Variants in FILIP1 observed in about 807,000 individuals in gnomAD.
FILIP1 encodes filamin-A-interacting protein 1.
FILIP1 carries 61 observed loss-of-function variants against 102.1 expected under a neutral mutation model. That is an observed-to-expected ratio of 0.60 (90% confidence interval 0.49 to 0.74). FILIP1 has a LOEUF of 0.74. Among genes scored for constraint, FILIP1 ranks in the 30% least tolerant of loss-of-function variants. The pLI is 0.00. For missense variants in FILIP1, 1,314 were observed against 1,441.2 expected, an observed-to-expected ratio of 0.91 and a Z score of 1.43; for synonymous variants, 491 against 526.9, an observed-to-expected ratio of 0.93 and a Z score of 0.93.
chr6:75,394,497 AAAT>A (rs776047797), intron 2 of FILIP1, among the ~76,000 whole-genome samples: 5 of 152,202 alleles, frequency 3.3e-5, no homozygotes, highest in Non-Finnish European at 5.9e-5. Context: ...GTCAAAATAA[AAAT>A]AATGAGATAG....
rs1778839339 is a variant in FILIP1, at chr6:75,456,670, C to G, written c.-7+36744G>C. Among the ~76,000 whole-genome samples the G allele has an allele frequency of 2.0e-5, 3 of 151,896 alleles. No individual in the cohort carries two copies. The South Asian group carries it at 6.2e-4, about 32-fold the overall frequency. On this transcript the variant is annotated intron_variant, in intron 1 of 5. Transcript: ENST00000237172. ...CCCCTCCTGGGCTCAAATGATTCTC[C>G]TGCCTCAGCATCCTGAGTAACTGGG...
At chr6:75,378,933 G>C (rs932770194) in intron 2 of FILIP1, among the ~76,000 whole-genome samples, 3 of 152,032 alleles carry the variant, frequency 2.0e-5, no homozygotes, top group African/African-American at 7.2e-5. Context: ...CTAAAATATA[G>C]AGCTGATAAT....
intron 2 of FILIP1, among the ~76,000 whole-genome samples, chr6:75,396,490 C>T (rs564784228): frequency 2.7e-4 from 41 of 152,162 alleles, no homozygotes; most frequent in African/African-American, 7.5e-4. Context: ...TTTACATTCT[C>T]TCCATTGCCT....
intron 1 of FILIP1, among the ~76,000 whole-genome samples, chr6:75,417,423 T>C (rs1038843803): frequency 7.2e-5 from 11 of 152,190 alleles, no homozygotes; most frequent in Non-Finnish European, 2.9e-5. Context: ...TTAGCATCTA[T>C]GAGGAAGATA....
chr6:75,443,684 T>C (rs1414818219), intron 1 of FILIP1, among the ~76,000 whole-genome samples: 1 of 152,196 alleles, frequency 6.6e-6, no homozygotes, highest in African/African-American at 2.4e-5. Context: ...AACTATAAGA[T>C]TGGCAACACT....
At chr6:75,388,017 T>C (rs998776629) in intron 2 of FILIP1, among the ~76,000 whole-genome samples, 2 of 152,240 alleles carry the variant, frequency 1.3e-5, no homozygotes, top group African/African-American at 4.8e-5. Context: ...TGGTTTTAGA[T>C]CTTACATTTA....
At chr6:75,301,359 G>A (rs138089456) in intron 6 of FILIP1, among the ~76,000 whole-genome samples, 147 of 152,250 alleles carry the variant, frequency 9.7e-4, no homozygotes, top group African/African-American at 3.4e-3. Context: ...ATGAAATAAT[G>A]AATAATGTAC....
rs890353214 is a variant in FILIP1 at position 75,493,691 on chromosome 6, A to T, written c.-284T>A. The T allele has an allele frequency of 6.6e-6, 1 of 152,216 alleles. No homozygotes were observed. Among genetic ancestry groups the T allele is most frequent in the African/African-American group, 2.4e-5 (1 of 41,448 alleles). 9.4% of individuals were successfully genotyped at this position (152,216 alleles called of 1,614,324 possible). On this transcript the variant is annotated 5_prime_UTR_variant, in exon 1 of 6. Transcript: ENST00000237172. ...GGAAGTTGTTGTATATCTCCCACCC[A>T]GACTTTTGTTTAAAAGTTTTTTCTA...
chr6:75,325,933 C>T (rs1216981639), intron 4 of FILIP1, among the ~76,000 whole-genome samples: 1 of 152,108 alleles, frequency 6.6e-6, no homozygotes, highest in Non-Finnish European at 1.5e-5. Flanking sequence ...AAAGAAGTCA[C>T]TATATGAAAA....
rs1773376877 is a variant in FILIP1, at chr6:75,314,885, T to A, written c.947A>T (p.Glu316Val). The A allele has an allele frequency of 1.2e-6, 2 of 1,614,018 alleles. No individual in the cohort carries two copies. Among genetic ancestry groups the A allele is most frequent in the Non-Finnish European group, 1.7e-6 (2 of 1,180,038 alleles). ...TTGATTAGCCAGTTTAGCGTTCATCTCTTCATGCTCTTGAGAAAACCTCGA... is the reference window on the plus strand; with the variant it reads ...TTGATTAGCCAGTTTAGCGTTCATCACTTCATGCTCTTGAGAAAACCTCGA... ...KASRFSQEHE[E>V]MNAKLANQES... Residue 316 changes from glutamate to valine, a missense_variant, in exon 5 of 6, where the codon GAG (glutamate) becomes GTG (valine). Around this residue, in one of 3 missense-constraint regions of FILIP1, gnomAD observed 494 missense variants for 511.2 expected, o/e 0.97. Transcript: ENST00000237172.
chr6:75,438,904 G>A (rs1260596166), intron 1 of FILIP1, among the ~76,000 whole-genome samples: 1 of 152,110 alleles, frequency 6.6e-6, no homozygotes, highest in Admixed American at 6.5e-5. Context: ...GCCAAACTGT[G>A]ACTAAAAGGT....
intron 1 of FILIP1, among the ~76,000 whole-genome samples, chr6:75,427,544 C>T (rs562903713): frequency 6.6e-6 from 1 of 152,222 alleles, no homozygotes; most frequent in African/African-American, 2.4e-5. Flanking sequence ...CTGTACAGCT[C>T]CTCTCAGAGG....
chr6:75,383,792 G>T lies in FILIP1; in HGVS notation c.277-20875C>A, dbSNP rs572982095. ...TTATTATCACCATTTTGTAAATGAGGGCTCTGAGGCAGGTGCAGAAAAGTT... is the reference window on the plus strand; with the variant it reads ...TTATTATCACCATTTTGTAAATGAGTGCTCTGAGGCAGGTGCAGAAAAGTT... On this transcript the variant is annotated intron_variant, in intron 2 of 5. Coordinates refer to ENST00000237172, the MANE Select transcript of FILIP1 (RefSeq NM_015687.5). 1.8e-4 allele frequency among the ~76,000 whole-genome samples: 28 copies of T among 152,018 alleles called. No homozygotes were observed. In the South Asian group the frequency reaches 5.8e-3, roughly 32 times the overall value.
At chr6:75,350,508 G>T (rs971140010) in intron 4 of FILIP1, among the ~76,000 whole-genome samples, 1 of 151,490 alleles carries the variant, frequency 6.6e-6, no homozygotes, top group African/African-American at 2.4e-5. Flanking sequence ...TGAGAGAGGG[G>T]ATTAAAATTG....
At chr6:75,300,468 G>C (rs1362359681) in intron 6 of FILIP1, among the ~76,000 whole-genome samples, 1 of 152,136 alleles carries the variant, frequency 6.6e-6, no homozygotes, top group Non-Finnish European at 1.5e-5. Context: ...ACTGGCCTCA[G>C]AACAACTTGT....
intron 1 of FILIP1, among the ~76,000 whole-genome samples, chr6:75,417,598 G>A (rs1443589150): frequency 2.0e-5 from 3 of 152,096 alleles, no homozygotes; most frequent in Non-Finnish European, 4.4e-5. Flanking sequence ...CTCACTTACT[G>A]CTTCTTAAGT....
In FILIP1 at chr6:75,313,585, A is replaced by G; in HGVS notation, c.2247T>C (p.Ser749=). 1 of 1,613,892 alleles carries G rather than the reference A, an allele frequency of 6.2e-7. No individual in the cohort carries two copies. The change falls in exon 5 of 6, where the codon TCT becomes TCC. Residue 749 remains serine (S), a synonymous_variant. Coordinates refer to ENST00000237172, the MANE Select transcript of FILIP1 (RefSeq NM_015687.5). The surrounding 1 kb of genome is among the most constrained non-coding windows in gnomAD (Gnocchi z 4.2). ...CTTCCATAAATCTTTGTTGAAGTACAGAATAATCTACCTGGAGCTGAGAAA... is the reference window on the plus strand; with the variant it reads ...CTTCCATAAATCTTTGTTGAAGTACGGAATAATCTACCTGGAGCTGAGAAA... ...DQLSQLQVDY[S]VLQQRFMEEE... is the part of the protein sequence containing the mutation.
chr6:75,428,114 C>T (rs1168010517), intron 1 of FILIP1, among the ~76,000 whole-genome samples: 2 of 152,176 alleles, frequency 1.3e-5, no homozygotes, highest in Admixed American at 1.3e-4. Context: ...CTCCTCTTCC[C>T]TCTCAACATA....
At chr6:75,336,459 A>C (rs980152168) in intron 4 of FILIP1, among the ~76,000 whole-genome samples, 5 of 152,084 alleles carry the variant, frequency 3.3e-5, no homozygotes, top group African/African-American at 9.7e-5. Flanking sequence ...GCAGTTTGTG[A>C]AAATATAAAC....
Sources: gnomAD v4.1 joint callset for allele counts (sites outside exome capture counted in the v4.1 genomes callset) on GRCh38, gnomAD v4.1.1 for gene constraint, gnomAD v4.1.1 regional missense constraint, Gnocchi (gnomAD v3.1) non-coding constraint, MANE v1.5 for transcripts, NCBI Gene and HGNC (gene_info 2026-07-23, HGNC 2026-07-21) for gene names.